AUTS2: variants seen among roughly 807,000 people sequenced by gnomAD.
The protein encoded by AUTS2 is autism susceptibility gene 2 protein.
AUTS2 carries 17 observed loss-of-function variants against 112.4 expected under a neutral mutation model. The ratio of observed to expected loss-of-function variants is 0.15; its 90% CI spans 0.10 to 0.23. The LOEUF (loss-of-function observed/expected upper bound fraction) is 0.23. AUTS2 is among the 10% of genes least tolerant of loss of function. The probability of loss-of-function intolerance (pLI) is 1.00; values close to 1 mark genes in which losing one functional copy is unlikely to be tolerated. For missense variants in AUTS2, 1,510 were observed against 1,701.6 expected, an observed-to-expected ratio of 0.89 and a Z score of 1.98; for synonymous variants, 751 against 702.7, an observed-to-expected ratio of 1.07 and a Z score of -1.09.
At chr7:70,278,712 A>G (rs879851773) in intron 4 of AUTS2, among the ~76,000 whole-genome samples, 2 of 152,242 alleles carry the variant, frequency 1.3e-5, no homozygotes, top group Non-Finnish European at 2.9e-5. Context: ...GAATGTTTAT[A>G]ATTTAAAGGT....
chr7:70,170,256 C>T (rs2129578653), intron 4 of AUTS2, among the ~76,000 whole-genome samples: 1 of 149,908 alleles, frequency 6.7e-6, no homozygotes, highest in Admixed American at 6.7e-5. Flanking sequence ...ACCTCCTGGG[C>T]TCAAGCGATC....
rs1276334961 is a variant in AUTS2 at position 69,975,984 on chromosome 7, T to A, written c.522+76486T>A. ...TGAACCATCTCGCCCAGCTGATTTT[T>A]AAAAAAAATGCATTTTACTCTGGTA... On this transcript the variant is annotated intron_variant, in intron 2 of 18. Transcript: ENST00000342771. Among the ~76,000 whole-genome samples, 7 of 152,118 alleles carry A rather than the reference T, an allele frequency of 4.6e-5. No homozygotes were observed. The South Asian group carries it at 1.0e-3, about 23-fold the overall frequency.
chr7:70,226,793 TGAA>T (rs1231804621), intron 4 of AUTS2, among the ~76,000 whole-genome samples: 1 of 152,234 alleles, frequency 6.6e-6, no homozygotes, highest in Non-Finnish European at 1.5e-5. Context: ...CATTGTATGA[TGAA>T]GACATGGAGG....
intron 2 of AUTS2, among the ~76,000 whole-genome samples, chr7:70,096,610 A>G (rs921697872): frequency 2.0e-5 from 3 of 151,064 alleles, no homozygotes; most frequent in South Asian, 2.1e-4. Context: ...AAAAAAAAAA[A>G]AAAAAAGAAA....
intron 6 of AUTS2, among the ~76,000 whole-genome samples, chr7:70,732,519 C>T (rs1056946124): frequency 6.6e-6 from 1 of 152,132 alleles, no homozygotes; most frequent in South Asian, 2.1e-4. Flanking sequence ...TTGTCAAGAC[C>T]CCTGTCTGTC....
chr7:70,026,147 C>T (rs557552760), intron 2 of AUTS2, among the ~76,000 whole-genome samples: 6 of 152,138 alleles, frequency 3.9e-5, no homozygotes, highest in Non-Finnish European at 8.8e-5. Flanking sequence ...TTGGGTGGTA[C>T]CTACTACTAC....
Position 69,909,135 on chromosome 7 carries a change from G to A in AUTS2, c.522+9637G>A, listed in dbSNP as rs182543022. Among the ~76,000 whole-genome samples the A allele has an allele frequency of 3.4e-3, 516 of 152,202 alleles. 4 individuals are homozygous for A. The highest frequency in any genetic ancestry group is 0.011 in the African/African-American group (472 of 41,526). On this transcript the variant is annotated intron_variant, in intron 2 of 18. Coordinates refer to ENST00000342771, the MANE Select transcript of AUTS2 (RefSeq NM_015570.4). ...ATAAAATTGTAACAACATATCTTGC[G>A]GAAATTAATTTTATCAATAATTGGA...
At chr7:69,894,847 A>G (rs1241925125) in intron 1 of AUTS2, among the ~76,000 whole-genome samples, 3 of 152,190 alleles carry the variant, frequency 2.0e-5, no homozygotes, top group African/African-American at 7.2e-5. Context: ...CTTGCAGAAT[A>G]TGGACTACAA....
intron 1 of AUTS2, among the ~76,000 whole-genome samples, chr7:69,684,850 T>A (rs1315573307): frequency 6.6e-6 from 1 of 152,192 alleles, no homozygotes; most frequent in Non-Finnish European, 1.5e-5. Flanking sequence ...AAGGATAAAG[T>A]GAGTTGTTGT....
intron 5 of AUTS2, among the ~76,000 whole-genome samples, chr7:70,682,393 A>T (rs1808255457): frequency 6.6e-6 from 1 of 152,358 alleles, no homozygotes; most frequent in East Asian, 1.9e-4. Context: ...TCTTTCATTA[A>T]AATTGTCATG....
chr7:69,757,157 A>G (rs772497076), intron 1 of AUTS2, among the ~76,000 whole-genome samples: 86 of 152,134 alleles, frequency 5.7e-4, no homozygotes, highest in Non-Finnish European at 1.6e-4. Context: ...TGCTTCTTCA[A>G]CCTCTGCTAT....
intron 1 of AUTS2, among the ~76,000 whole-genome samples, chr7:69,720,961 T>G (rs1584131133): frequency 6.6e-6 from 1 of 152,216 alleles, no homozygotes; most frequent in South Asian, 2.1e-4. Flanking sequence ...GGTAGAAGAT[T>G]GAGAAGCTAA....
intron 4 of AUTS2, among the ~76,000 whole-genome samples, chr7:70,303,439 T>C (rs7809474): frequency 0.33 from 46,549 of 142,982 alleles, 7,668 homozygotes; most frequent in African/African-American, 0.43. Context: ...CGCGCGCACA[T>C]ACACACACAC....
chr7:70,213,363 A>T (rs1392155305), intron 4 of AUTS2, among the ~76,000 whole-genome samples: 1 of 131,518 alleles, frequency 7.6e-6, no homozygotes, highest in Non-Finnish European at 1.6e-5. Context: ...CCCCTTTCTA[A>T]AAAAAAAAAA....
intron 4 of AUTS2, among the ~76,000 whole-genome samples, chr7:70,341,653 G>GA (rs1209814680): frequency 1.3e-5 from 2 of 152,220 alleles, no homozygotes; most frequent in East Asian, 3.8e-4. Context: ...CAATTAGCAC[G>GA]AAAAGAGTCT....
chr7:69,723,988 A>C (rs925352218), intron 1 of AUTS2, among the ~76,000 whole-genome samples: 1 of 152,184 alleles, frequency 6.6e-6, no homozygotes, highest in African/African-American at 2.4e-5. Context: ...AGTGGGACCC[A>C]GGAATAAACT....
At chr7:70,728,481 G>A (rs1025712181) in intron 6 of AUTS2, among the ~76,000 whole-genome samples, 1 of 151,996 alleles carries the variant, frequency 6.6e-6, no homozygotes, top group Non-Finnish European at 1.5e-5. Context: ...GGCCGACACG[G>A]GTGGGTCACC....
At chr7:70,763,807 C>T (rs1789730084) in intron 7 of AUTS2, among the ~76,000 whole-genome samples, 1 of 152,064 alleles carries the variant, frequency 6.6e-6, no homozygotes, top group African/African-American at 2.4e-5. Flanking sequence ...AGTATTCCAG[C>T]TTAAGGATTT....
At chr7:70,220,887 A>G (rs1811443328) in intron 4 of AUTS2, among the ~76,000 whole-genome samples, 1 of 152,152 alleles carries the variant, frequency 6.6e-6, no homozygotes, top group South Asian at 2.1e-4. Flanking sequence ...CACCATATAG[A>G]TTCTACCATT....
Sources: gnomAD v4.1 joint callset for allele counts (sites outside exome capture counted in the v4.1 genomes callset) on GRCh38, gnomAD v4.1.1 for gene constraint, MANE v1.5 for transcripts, NCBI Gene and HGNC (gene_info 2026-07-23, HGNC 2026-07-21) for gene names.